The following SPAG9 variants were observed in gnomAD, a reference collection of about 807,000 sequenced individuals.
SPAG9 encodes the protein C-Jun-amino-terminal kinase-interacting protein 4.
In SPAG9, 35 loss-of-function variants were observed where a neutral mutation model predicts 166.5. The ratio of observed to expected loss-of-function variants is 0.21; its 90% confidence interval spans 0.16 to 0.28. SPAG9 has a LOEUF of 0.28. Among genes scored for constraint, SPAG9 ranks in the 10% least tolerant of loss-of-function variants. The probability of loss-of-function intolerance (pLI) is 1.00; values close to 1 mark genes in which losing one functional copy is unlikely to be tolerated. For synonymous variants in SPAG9, 534 were observed against 565.5 expected (o/e 0.94, Z 0.79); for missense variants, 1,235 against 1,603.3 (o/e 0.77, Z 3.92).
chr17:51,084,598 G>C (rs1233683230), intron 1 of SPAG9, among the ~76,000 whole-genome samples: 1 of 151,952 alleles, frequency 6.6e-6, no homozygotes, highest in African/African-American at 2.4e-5. Flanking sequence ...TAGTAGAGAC[G>C]GGGTTTCACC....
chr17:51,020,096 C>G (rs1000811609), intron 8 of SPAG9, 63 bp downstream of exon 8: 4 of 902,440 alleles, frequency 4.4e-6, no homozygotes, highest in Non-Finnish European at 7.3e-6. Context: ...GACTGGAGAA[C>G]AGTGTTTATG....
Position 50,964,672 on chromosome 17 carries a change from A to AG in SPAG9, c.*1599dup. 2.3e-6 allele frequency: 1 copy of AG among 438,818 alleles called. No individual in the cohort carries two copies. Among genetic ancestry groups the AG allele is most frequent in the Non-Finnish European group, 4.6e-6 (1 of 217,632 alleles). The allele number at this position is 438,818 out of a possible 1,614,324, so 27.2% of individuals were successfully genotyped here. On this transcript the variant is annotated 3_prime_UTR_variant, in exon 30 of 30. Transcript: ENST00000262013. ...ATCACACATTTTCAAGAAGCTTGAG[A>AG]GGGAAAAAATTGCAGCATCGTGGTT...
chr17:51,008,031 T>TTTCCTTCA (rs2045300435), intron 9 of SPAG9, among the ~76,000 whole-genome samples: 1 of 152,316 alleles, frequency 6.6e-6, no homozygotes, highest in Non-Finnish European at 1.5e-5. Flanking sequence ...ATAAAGATGA[T>TTTCCTTCA]TTCCTTCATT....
chr17:51,034,725 G>A (rs530757942), intron 5 of SPAG9, among the ~76,000 whole-genome samples: 1 of 152,240 alleles, frequency 6.6e-6, no homozygotes, highest in South Asian at 2.1e-4. Context: ...ACTAATAATT[G>A]TTGTAGGCAA....
At chr17:50,976,126 GT>G (rs955613110) in intron 27 of SPAG9, among the ~76,000 whole-genome samples, 12 of 149,154 alleles carry the variant, frequency 8.0e-5, no homozygotes, top group South Asian at 4.3e-4. Flanking sequence ...GATTTATGGT[GT>G]TTTTTTTTTA....
chr17:51,105,906 C>T (rs1211643239), intron 1 of SPAG9, among the ~76,000 whole-genome samples: 3 of 151,542 alleles, frequency 2.0e-5, no homozygotes, highest in Non-Finnish European at 2.9e-5. Context: ...AAAGCTTAAC[C>T]TTTATTAACT....
intron 3 of SPAG9, among the ~76,000 whole-genome samples, chr17:51,051,549 G>A (rs1475601962): frequency 6.6e-6 from 1 of 152,138 alleles, no homozygotes; most frequent in African/African-American, 2.4e-5. Context: ...GTGAAACCCA[G>A]TCTCTACTAA....
At chr17:51,070,501 A>T (rs1211865683) in intron 2 of SPAG9, among the ~76,000 whole-genome samples, 3 of 152,202 alleles carry the variant, frequency 2.0e-5, no homozygotes, top group Non-Finnish European at 4.4e-5. Flanking sequence ...AAACTTGTAG[A>T]TGTAAAAAAA....
chr17:51,054,915 C>T (rs1009968030), intron 3 of SPAG9, among the ~76,000 whole-genome samples: 18 of 152,116 alleles, frequency 1.2e-4, no homozygotes, highest in African/African-American at 9.7e-5. Flanking sequence ...TCAAATCTCA[C>T]GTGTCAAGGC....
rs1467270958 is a variant in SPAG9, at chr17:50,982,572, G to A, written c.3189C>T (p.Gly1063=). ...GCACCACATAGATTTTGTTCCTATA[G>A]CCACACCAGACTTTGTCATGTACCA... ...MTVVHDKVWC[G]YRNKIYVVQP... The change falls in exon 25 of 30, where the codon GGC becomes GGT. Residue 1063 remains glycine (G), a synonymous_variant. Coordinates refer to ENST00000262013, the MANE Select transcript of SPAG9 (RefSeq NM_001130528.3). The A allele has an allele frequency of 5.6e-6, 9 of 1,613,842 alleles. No homozygotes were observed. The highest frequency in any genetic ancestry group is 5.9e-6 in the Non-Finnish European group (7 of 1,179,922).
chr17:50,964,101 A>C lies in SPAG9; in HGVS notation c.*2171T>G, dbSNP rs1158230257. ...CAATCTAGCCTAATCGTGTATATGC[A>C]TAAAAGCCACTGGTATACTTTTTAC... On this transcript the variant is annotated 3_prime_UTR_variant, in exon 30 of 30. Coordinates refer to ENST00000262013, the MANE Select transcript of SPAG9 (RefSeq NM_001130528.3). 6.6e-6 allele frequency: 1 copy of C among 152,230 alleles called. No homozygotes were observed. The highest frequency in any genetic ancestry group is 1.5e-5 in the Non-Finnish European group (1 of 68,036). The allele number at this position is 152,230 out of a possible 1,614,324, so 9.4% of individuals were successfully genotyped here.
intron 2 of SPAG9, among the ~76,000 whole-genome samples, chr17:51,062,791 T>C (rs547643807): frequency 6.6e-6 from 1 of 152,214 alleles, no homozygotes; most frequent in South Asian, 2.1e-4. Context: ...GGTTTCGCCA[T>C]GTTGGCCAGG....
chr17:51,119,323 C>T (rs905021148), intron 1 of SPAG9, among the ~76,000 whole-genome samples: 2 of 152,180 alleles, frequency 1.3e-5, no homozygotes, highest in African/African-American at 4.8e-5. Flanking sequence ...TATTTCGCCT[C>T]CTTTGATCAC....
At chr17:51,111,270 G>C (rs2144779774) in intron 1 of SPAG9, among the ~76,000 whole-genome samples, 1 of 152,190 alleles carries the variant, frequency 6.6e-6, no homozygotes, top group South Asian at 2.1e-4. Flanking sequence ...TATTAAACTG[G>C]TCTATGCAGA....
At chr17:51,095,827 GAT>G (rs1378500690) in intron 1 of SPAG9, among the ~76,000 whole-genome samples, 3 of 85,098 alleles carry the variant, frequency 3.5e-5, no homozygotes, top group South Asian at 3.9e-4. Flanking sequence ...TATAGGGAGA[GAT>G]ATAGAGATAT....
intron 11 of SPAG9, 116 bp downstream of exon 11, chr17:51,005,969 C>A: frequency 2.5e-6 from 3 of 1,195,354 alleles, no homozygotes; most frequent in Non-Finnish European, 3.6e-6. Context: ...TCCCAGGCAG[C>A]TCTTGGCCTT....
At chr17:51,042,563 T>A (rs933659648) in intron 4 of SPAG9, 9 of 152,218 alleles carry the variant, frequency 5.9e-5, no homozygotes, top group African/African-American at 2.2e-4. Context: ...CTGGTAAGAA[T>A]GTAAGTTAGA....
intron 16 of SPAG9, 123 bp downstream of exon 16, chr17:50,996,442 T>A: frequency 9.1e-7 from 1 of 1,095,422 alleles, no homozygotes; most frequent in East Asian, 2.5e-5. Flanking sequence ...CTTAAATGTG[T>A]GCCCAGTCCA....
At chr17:50,982,463 T>C in intron 25 of SPAG9, 61 bp downstream of exon 25, 2 of 1,456,306 alleles carry the variant, frequency 1.4e-6, no homozygotes, top group Non-Finnish European at 1.9e-6. Context: ...ATAATTATAG[T>C]CTAATAGTCT....
Sources: gnomAD v4.1 joint callset for allele counts (sites outside exome capture counted in the v4.1 genomes callset) on GRCh38, gnomAD v4.1.1 for gene constraint, MANE v1.5 for transcripts, NCBI Gene and HGNC (gene_info 2026-07-23, HGNC 2026-07-21) for gene names.